Variants in ADK observed in about 807,000 individuals in gnomAD.
ADK encodes adenosine kinase.
A neutral mutation model predicts 44.7 loss-of-function variants in ADK; 24 were observed. The ratio of observed to expected loss-of-function variants is 0.54; its 90% CI spans 0.39 to 0.76. The LOEUF is 0.76. ADK is among the 30% of genes least tolerant of loss of function. The probability of loss-of-function intolerance (pLI) is 0.00; values close to 1 mark genes in which losing one functional copy is unlikely to be tolerated. For missense variants in ADK, 321 were observed against 425.1 expected (o/e 0.76, Z 2.15); for synonymous variants, 128 against 142.6 (o/e 0.90, Z 0.73).
intron 4 of ADK, among the ~76,000 whole-genome samples, chr10:74,357,453 C>T (rs998427174): frequency 7.7e-6 from 1 of 130,424 alleles, no homozygotes; most frequent in South Asian, 2.4e-4. Context: ...CCCCACCATA[C>T]CCAGTGATTT....
intron 6 of ADK, among the ~76,000 whole-genome samples, chr10:74,499,705 A>T (rs974921173): frequency 2.0e-5 from 3 of 152,004 alleles, no homozygotes; most frequent in African/African-American, 4.8e-5. Flanking sequence ...AAAAAGTGAC[A>T]TTTTTATCTC....
At chr10:74,167,415 T>A (rs149010339) in intron 1 of ADK, among the ~76,000 whole-genome samples, 2 of 152,370 alleles carry the variant, frequency 1.3e-5, no homozygotes, top group Non-Finnish European at 2.9e-5. Context: ...CAGACACAGC[T>A]TGGCCTGTTG....
At chr10:74,205,982 TCAAAGG>T (rs1843582676) in intron 2 of ADK, among the ~76,000 whole-genome samples, 4 of 152,206 alleles carry the variant, frequency 2.6e-5, no homozygotes, top group African/African-American at 9.6e-5. Flanking sequence ...CAGTTATATA[TCAAAGG>T]CTGTAATAAA....
intron 6 of ADK, among the ~76,000 whole-genome samples, chr10:74,422,075 G>A (rs544643518): frequency 6.6e-6 from 1 of 152,274 alleles, no homozygotes; most frequent in South Asian, 2.1e-4. Flanking sequence ...TTGGAAGACA[G>A]CGAAATACTG....
At chr10:74,374,141 C>A (rs545280799) in intron 4 of ADK, among the ~76,000 whole-genome samples, 1 of 151,982 alleles carries the variant, frequency 6.6e-6, no homozygotes, top group East Asian at 1.9e-4. Context: ...ATGAGGTTTT[C>A]GGAAGTGATG....
intron 6 of ADK, among the ~76,000 whole-genome samples, chr10:74,524,123 T>C (rs140973554): frequency 1.5e-4 from 23 of 152,296 alleles, no homozygotes; most frequent in South Asian, 4.1e-4. Context: ...ATTTCCTGTA[T>C]ATACATGTAT....
At chr10:74,257,462 A>G (rs1471859785) in intron 3 of ADK, among the ~76,000 whole-genome samples, 4 of 152,220 alleles carry the variant, frequency 2.6e-5, no homozygotes, top group South Asian at 4.1e-4. Flanking sequence ...TGTATGTTTT[A>G]AAGTGAGTGT....
At position 74,435,800 on chromosome 10, in the gene ADK, A is replaced by G. The variant is rs559283345; in HGVS notation, c.555+37221A>G. 4.6e-5 allele frequency among the ~76,000 whole-genome samples: 7 copies of G among 152,358 alleles called. No homozygotes were observed. In the East Asian group the frequency reaches 1.2e-3, roughly 25 times the overall value. On this transcript the variant is annotated intron_variant, in intron 6 of 10. Transcript: ENST00000539909. ...TGAAAGAAAAAAATCATCAGCAAAT[A>G]ACCTTATGTCCAGCAAAAATATGTC...
intron 4 of ADK, among the ~76,000 whole-genome samples, chr10:74,357,169 C>T (rs143117081): frequency 6.6e-5 from 10 of 152,250 alleles, no homozygotes; most frequent in Admixed American, 2.0e-4. Flanking sequence ...GCTTTTGCTA[C>T]GAGTAATAAA....
At chr10:74,368,279 AT>A (rs1289622418) in intron 4 of ADK, among the ~76,000 whole-genome samples, 1 of 151,866 alleles carries the variant, frequency 6.6e-6, no homozygotes, top group African/African-American at 2.4e-5. Flanking sequence ...ATGCCTGGTA[AT>A]TTTTGTATTT....
chr10:74,640,900 C>T (rs191782437), intron 9 of ADK, among the ~76,000 whole-genome samples: 1 of 152,310 alleles, frequency 6.6e-6, no homozygotes, highest in East Asian at 1.9e-4. Context: ...AGAGACCATT[C>T]TCTCAGACTT....
Position 74,472,198 on chromosome 10 carries a change from G to A in ADK, c.556-53058G>A, listed in dbSNP as rs191736412. Reference sequence around the variant, plus strand: ...AGTCTGGGTGATAGAGCAAGATCCCGTCGGTAAAAAAAAGTGGCAAGGGGG... The same window carrying A: ...AGTCTGGGTGATAGAGCAAGATCCCATCGGTAAAAAAAAGTGGCAAGGGGG... On this transcript the variant is annotated intron_variant, in intron 6 of 10. Coordinates refer to ENST00000539909, the MANE Select transcript of ADK (RefSeq NM_006721.4). Among the ~76,000 whole-genome samples, 10 of 152,094 alleles carry A rather than the reference G, an allele frequency of 6.6e-5. No homozygotes were observed. The South Asian group carries it at 1.5e-3, about 22-fold the overall frequency.
At chr10:74,396,792 A>G (rs956879327) in intron 5 of ADK, among the ~76,000 whole-genome samples, 1 of 152,058 alleles carries the variant, frequency 6.6e-6, no homozygotes, top group Admixed American at 6.5e-5. Context: ...CACCTCTACT[A>G]AAAATACAAA....
chr10:74,416,615 A>G (rs1359304967), intron 6 of ADK, among the ~76,000 whole-genome samples: 4 of 147,568 alleles, frequency 2.7e-5, no homozygotes, highest in African/African-American at 9.9e-5. Context: ...GCTTTTCTCT[A>G]TAACTTTCCC....
chr10:74,413,143 G>A (rs913952405), intron 6 of ADK, among the ~76,000 whole-genome samples: 1 of 151,982 alleles, frequency 6.6e-6, no homozygotes, highest in Non-Finnish European at 1.5e-5. Flanking sequence ...CACAGGCAGA[G>A]CAGATTTAAC....
At chr10:74,657,974 A>G (rs1380951059) in intron 9 of ADK, among the ~76,000 whole-genome samples, 1 of 152,238 alleles carries the variant, frequency 6.6e-6, no homozygotes, top group African/African-American at 2.4e-5. Flanking sequence ...CTTGATACAT[A>G]CACAAGAATA....
chr10:74,285,257 T>C (rs1847116777), intron 3 of ADK, among the ~76,000 whole-genome samples: 2 of 152,196 alleles, frequency 1.3e-5, no homozygotes, highest in African/African-American at 4.8e-5. Flanking sequence ...AGATGATGTA[T>C]TAAGCTGAGT....
chr10:74,361,637 C>T (rs1842339276), intron 4 of ADK, among the ~76,000 whole-genome samples: 1 of 152,146 alleles, frequency 6.6e-6, no homozygotes, highest in Non-Finnish European at 1.5e-5. Context: ...AGTCGTCTTA[C>T]TACAGATATT....
intron 6 of ADK, among the ~76,000 whole-genome samples, chr10:74,427,009 T>C (rs796914722): frequency 8.5e-5 from 13 of 152,146 alleles, no homozygotes; most frequent in African/African-American, 2.7e-4. Flanking sequence ...TTCTCATTGA[T>C]AAAGTTAATT....
Sources: allele counts gnomAD v4.1 joint callset (sites outside exome capture counted in the v4.1 genomes callset), GRCh38; gene constraint gnomAD v4.1.1; transcripts MANE v1.5; gene names NCBI Gene and HGNC (gene_info 2026-07-23, HGNC 2026-07-21).